Variants in SCN1A observed in about 807,000 individuals in gnomAD.
The protein encoded by SCN1A is sodium channel protein type 1 subunit alpha.
A neutral mutation model predicts 193.7 loss-of-function variants in SCN1A; 13 were observed. The observed-to-expected ratio is 0.07, with a 90% CI of 0.04 to 0.11. The LOEUF (loss-of-function observed/expected upper bound fraction) is 0.11, where lower values mean the gene tolerates loss of function less well. Among genes scored for constraint, SCN1A ranks in the 10% least tolerant of loss-of-function variants. SCN1A has a pLI of 1.00. For synonymous variants in SCN1A, 781 were observed against 843.6 expected, an observed-to-expected ratio of 0.93 and a Z score of 1.29; for missense variants, 1,432 against 2,451.1, an observed-to-expected ratio of 0.58 and a Z score of 8.78.
At chr2:166,146,668 C>T (rs1234879523) in intron 1 of SCN1A, among the ~76,000 whole-genome samples, 1 of 152,176 alleles carries the variant, frequency 6.6e-6, no homozygotes, top group Admixed American at 6.5e-5. Flanking sequence ...AAGCCAACCT[C>T]TCATCTTAAT....
downstream of SCN1A, chr2:165,985,342 G>T (rs1688547614): frequency 6.7e-6 from 1 of 150,204 alleles, no homozygotes; most frequent in South Asian, 2.1e-4. Context: ...GTAGGAGGGG[G>T]AGGTAAAGTA....
chr2:165,989,034 G>A lies in SCN1A; in HGVS notation c.*2211C>T, dbSNP rs1322974632. 2 of 20,376 alleles carry A rather than the reference G, an allele frequency of 9.8e-5. No individual in the cohort carries two copies. The highest frequency in any genetic ancestry group is 1.3e-4 in the African/African-American group (2 of 15,722). 1.3% of individuals were successfully genotyped at this position (20,376 alleles called of 1,614,324 possible). Reference sequence around the variant, plus strand: ...TGTCAACGTGGGTATGCCTCTGTGTGTGTGTGTGTGTGTGTGTGTGTGTGT... The same window carrying A: ...TGTCAACGTGGGTATGCCTCTGTGTATGTGTGTGTGTGTGTGTGTGTGTGT... On this transcript the variant is annotated 3_prime_UTR_variant, in exon 29 of 29. Coordinates refer to ENST00000674923, the MANE Select transcript of SCN1A (RefSeq NM_001165963.4).
chr2:166,045,131 G>C lies in SCN1A; in HGVS notation c.1574C>G (p.Ser525Cys), dbSNP rs1697647054. Residue 525 changes from serine to cysteine, a missense_variant, in exon 13 of 29, where the codon TCT becomes TGT. Physicochemically the swap from Ser to Cys is moderately radical, Grantham distance 112. Around this residue, in one of 18 missense-constraint regions of SCN1A, gnomAD observed 316 missense variants for 362.1 expected, o/e 0.87. Coordinates refer to ENST00000674923, the MANE Select transcript of SCN1A (RefSeq NM_001165963.4). ...ACCTTTCCTCCTGATGCTGTCCTCA[G>C]ATTCAGATTTTTGGAATTCATCCTC... ...KDEDEFQKSE[S>C]EDSIRRKGFR... 1 of 1,614,040 alleles carries C rather than the reference G, an allele frequency of 6.2e-7. No homozygotes were observed. Among genetic ancestry groups the C allele is most frequent in the Non-Finnish European group, 8.5e-7 (1 of 1,180,018 alleles).
chr2:166,097,163 A>T (rs1687483044), intron 2 of SCN1A, among the ~76,000 whole-genome samples: 1 of 152,126 alleles, frequency 6.6e-6, no homozygotes, highest in Non-Finnish European at 1.5e-5. Context: ...CTGGGACTAC[A>T]GGTGCATGCC....
At chr2:166,031,919 A>T (rs1263834902) in intron 19 of SCN1A, among the ~76,000 whole-genome samples, 1 of 152,134 alleles carries the variant, frequency 6.6e-6, no homozygotes, top group Non-Finnish European at 1.5e-5. Flanking sequence ...GCTCCAGAGT[A>T]TAACCATTTA....
At position 166,018,218 on chromosome 2, in the gene SCN1A, G is replaced by A. The variant is rs575480837; in HGVS notation, c.3430-2491C>T. On this transcript the variant is annotated intron_variant, in intron 19 of 28. Transcript: ENST00000674923. The stretch of plus-strand genomic sequence containing the variant: ...CCAACCATATTTGTTTTCTTATGAG[G>A]AATACTACTTTTAATGATACCTCTG... Among the ~76,000 whole-genome samples the A allele has an allele frequency of 8.6e-5, 13 of 151,962 alleles. No homozygotes were observed. In the South Asian group the frequency reaches 2.3e-3, roughly 27 times the overall value.
rs1559326119 is a variant in SCN1A, at chr2:166,097,065, G to GGGGTCA, written c.-141-19265_-141-19264insTGACCC. 2.8e-3 allele frequency among the ~76,000 whole-genome samples: 430 copies of GGGGTCA among 151,884 alleles called. 3 individuals carry two copies. The highest frequency in any genetic ancestry group is 0.01 in the African/African-American group (417 of 41,408). ...GAGACGGGGTCAGGCTCTGTTGCCC[G>GGGGTCA]GGCTGTAGTGCAGTGGCATGATCGC... On this transcript the variant is annotated intron_variant, in intron 2 of 28. Transcript: ENST00000674923.
intron 2 of SCN1A, among the ~76,000 whole-genome samples, chr2:166,118,125 G>A (rs1054769034): frequency 1.3e-5 from 2 of 148,988 alleles, no homozygotes. Context: ...AAAACAAAAT[G>A]CCTAGGAATG....
intron 19 of SCN1A, among the ~76,000 whole-genome samples, chr2:166,021,491 AAAATT>A (rs1404049739): frequency 6.6e-6 from 1 of 152,154 alleles, no homozygotes; most frequent in African/African-American, 2.4e-5. Flanking sequence ...TACAGAAATT[AAAATT>A]AAATTAAACA....
intron 2 of SCN1A, among the ~76,000 whole-genome samples, chr2:166,079,362 T>C (rs915565206): frequency 9.3e-5 from 14 of 150,234 alleles, no homozygotes; most frequent in African/African-American, 3.4e-4. Flanking sequence ...TTTATCTTAC[T>C]GTAGTTTCTT....
At chr2:166,084,171 C>G (rs942274439) in intron 2 of SCN1A, among the ~76,000 whole-genome samples, 2 of 151,518 alleles carry the variant, frequency 1.3e-5, no homozygotes, top group Admixed American at 1.3e-4. Flanking sequence ...CTTCCCCTTT[C>G]TCGATGTTCA....
Position 166,058,532 on chromosome 2 carries a change from G to A in SCN1A, c.383+38C>T, listed in dbSNP as rs1280436473. Reference sequence around the variant, plus strand: ...TAGCTATAAAGTGCTTACAGATCATGTACAAATAGTTAATATTAATCACTT... The same window carrying A: ...TAGCTATAAAGTGCTTACAGATCATATACAAATAGTTAATATTAATCACTT... On this transcript the variant is annotated intron_variant, in intron 5 of 28. Transcript: ENST00000674923. 2.6e-6 allele frequency: 3 copies of A among 1,173,488 alleles called. No homozygotes were observed. The African/African-American group carries it at 4.6e-5, about 18-fold the overall frequency. 72.7% of individuals were successfully genotyped at this position (1,173,488 alleles called of 1,614,324 possible).
At chr2:166,034,307 G>C (rs1262427636) in intron 19 of SCN1A, among the ~76,000 whole-genome samples, 1 of 152,134 alleles carries the variant, frequency 6.6e-6, no homozygotes, top group African/African-American at 2.4e-5. Flanking sequence ...AGTGGAGGCT[G>C]ACCTAGATTA....
At chr2:166,066,116 G>T (rs1399044813) in intron 4 of SCN1A, among the ~76,000 whole-genome samples, 2 of 152,064 alleles carry the variant, frequency 1.3e-5, no homozygotes, top group Non-Finnish European at 2.9e-5. Context: ...TCTGCAGAAG[G>T]TGCCTCCCTA....
intron 1 of SCN1A, among the ~76,000 whole-genome samples, chr2:166,142,210 C>A (rs143871141): frequency 0.021 from 3,142 of 152,248 alleles, 71 homozygotes; most frequent in South Asian, 0.045. Flanking sequence ...AAACTGGAAC[C>A]GCATTCCCAA....
rs558030502 is a variant in SCN1A, at chr2:166,040,929, A to G, written c.2415+302T>C. ...CTTCTACAGTAAGGGAAATTGTAAT[A>G]ATATCTCAAAAAGTATGTTCTTAAT... On this transcript the variant is annotated intron_variant, in intron 16 of 28. Transcript: ENST00000674923. Among the ~76,000 whole-genome samples the G allele has an allele frequency of 2.9e-4, 44 of 152,344 alleles. No homozygotes were observed. The South Asian group carries it at 4.1e-3, about 14-fold the overall frequency.
chr2:166,039,910 C>CTT (rs10523688), intron 16 of SCN1A, among the ~76,000 whole-genome samples: 15 of 110,876 alleles, frequency 1.4e-4, no homozygotes, highest in African/African-American at 3.8e-4. Context: ...TACAAGTCAT[C>CTT]TTTTTTTTTT....
At chr2:166,117,974 T>A (rs200543337) in intron 2 of SCN1A, among the ~76,000 whole-genome samples, 1,146 of 57,446 alleles carry the variant, frequency 0.02, 10 homozygotes, top group African/African-American at 0.052. Flanking sequence ...AAAAAAAAAA[T>A]TTTTTTTTTG....
intron 2 of SCN1A, among the ~76,000 whole-genome samples, chr2:166,080,827 G>T (rs1685441801): frequency 6.6e-6 from 1 of 151,634 alleles, no homozygotes; most frequent in Non-Finnish European, 1.5e-5. Flanking sequence ...AATAAATAAA[G>T]ATATAATATC....
Sources: gnomAD v4.1 joint callset for allele counts (sites outside exome capture counted in the v4.1 genomes callset) on GRCh38, gnomAD v4.1.1 for gene constraint, gnomAD v4.1.1 regional missense constraint, MANE v1.5 for transcripts, NCBI Gene and HGNC (gene_info 2026-07-23, HGNC 2026-07-21) for gene names.